The following GPR39 variants were observed in gnomAD, a reference collection of about 807,000 sequenced individuals.
The protein encoded by GPR39 is zinc sensing receptor.
In GPR39, 23 loss-of-function variants were observed where a neutral mutation model predicts 18.4. The ratio of observed to expected loss-of-function variants is 1.25; its 90% CI spans 0.90 to 1.77. The LOEUF (loss-of-function observed/expected upper bound fraction) is 1.77, where lower values mean the gene tolerates loss of function less well. Ranked by LOEUF, GPR39 falls within the 40% of genes most tolerant of loss-of-function variation. GPR39 has a pLI of 0.00. For synonymous variants in GPR39, 280 were observed against 257.9 expected (o/e 1.09, Z -0.82); for missense variants, 647 against 602.4 (o/e 1.07, Z -0.78).
intron 1 of GPR39, among the ~76,000 whole-genome samples, chr2:132,520,528 G>A (rs182536125): frequency 6.6e-6 from 1 of 152,282 alleles, no homozygotes; most frequent in Admixed American, 6.5e-5. Flanking sequence ...AGATCAGCCT[G>A]GGCACTCATT....
rs183980029 is a variant in GPR39, at chr2:132,642,183, A to G, written c.857-2918A>G. Among the ~76,000 whole-genome samples the G allele has an allele frequency of 2.3e-3, 347 of 152,334 alleles. 1 individual carries two copies. Among genetic ancestry groups the G allele is most frequent in the South Asian group, 0.011 (52 of 4,824 alleles). On this transcript the variant is annotated intron_variant, in intron 1 of 1. Coordinates refer to ENST00000329321, the MANE Select transcript of GPR39 (RefSeq NM_001508.3). ...TTTCAAAACACCCATCTGGTGCACAATATGAAAATCTCTGCATTTCTAATT... is the reference window on the plus strand; with the variant it reads ...TTTCAAAACACCCATCTGGTGCACAGTATGAAAATCTCTGCATTTCTAATT...
At position 132,545,655 on chromosome 2, in the gene GPR39, C is replaced by CGTGTGTGT. The variant is rs35108024; in HGVS notation, c.857-99423_857-99416dup. Among the ~76,000 whole-genome samples, 70 of 149,842 alleles carry CGTGTGTGT rather than the reference C, an allele frequency of 4.7e-4. No homozygotes were observed. In the East Asian group the frequency reaches 5.1e-3, roughly 11 times the overall value. ...CTTATAATCCACGATGTGTGATGGGCGTGTGTGTGTGTGTGTGTGTGTGTG... is the reference window on the plus strand; with the variant it reads ...CTTATAATCCACGATGTGTGATGGGCGTGTGTGTGTGTGTGTGTGTGTGTGTGTGTGTG... On this transcript the variant is annotated intron_variant, in intron 1 of 1. Transcript: ENST00000329321.
intron 1 of GPR39, among the ~76,000 whole-genome samples, chr2:132,572,998 C>A (rs962373306): frequency 6.6e-6 from 1 of 152,152 alleles, no homozygotes; most frequent in Non-Finnish European, 1.5e-5. Context: ...GAATGCTGAC[C>A]AGGCACACAT....
chr2:132,627,760 G>T (rs1018282857), intron 1 of GPR39, among the ~76,000 whole-genome samples: 2 of 152,158 alleles, frequency 1.3e-5, no homozygotes, highest in Admixed American at 1.3e-4. Context: ...AGCCTCGGCC[G>T]TGGGGGAGGA....
chr2:132,441,350 T>C (rs1680434861), intron 1 of GPR39, among the ~76,000 whole-genome samples: 1 of 151,982 alleles, frequency 6.6e-6, no homozygotes, highest in Non-Finnish European at 1.5e-5. Flanking sequence ...CTGGATTCAT[T>C]TTCCAGTACA....
At chr2:132,613,046 T>C (rs1681263498) in intron 1 of GPR39, among the ~76,000 whole-genome samples, 1 of 152,202 alleles carries the variant, frequency 6.6e-6, no homozygotes, top group Non-Finnish European at 1.5e-5. Flanking sequence ...GATATCCATA[T>C]TTTAAAATGC....
chr2:132,443,376 C>T (rs1000140434), intron 1 of GPR39, among the ~76,000 whole-genome samples: 2 of 152,102 alleles, frequency 1.3e-5, no homozygotes, highest in African/African-American at 2.4e-5. Flanking sequence ...GACATAAAAG[C>T]GATACACATT....
At chr2:132,560,713 T>G (rs1451569450) in intron 1 of GPR39, among the ~76,000 whole-genome samples, 1 of 152,108 alleles carries the variant, frequency 6.6e-6, no homozygotes, top group Non-Finnish European at 1.5e-5. Flanking sequence ...TCTTCCTCCA[T>G]CCAGTCCTCA....
At chr2:132,520,279 C>T (rs968957574) in intron 1 of GPR39, among the ~76,000 whole-genome samples, 1 of 152,212 alleles carries the variant, frequency 6.6e-6, no homozygotes, top group Non-Finnish European at 1.5e-5. Context: ...GTGGTACTTG[C>T]ATCAAATATA....
At chr2:132,553,381 A>G (rs1158400770) in intron 1 of GPR39, among the ~76,000 whole-genome samples, 9 of 148,616 alleles carry the variant, frequency 6.1e-5, no homozygotes, top group South Asian at 4.2e-4. Context: ...ATATGTGTGT[A>G]TATATATAGT....
Position 132,518,975 on chromosome 2 carries a change from T to C in GPR39, c.856+101077T>C, listed in dbSNP as rs568407212. ...GCACAGGATGGGTCTAGATTGAATT[T>C]CTTCATTCATAACAAAGCTGCATTT... is the stretch of plus-strand genomic sequence containing the variant. On this transcript the variant is annotated intron_variant, in intron 1 of 1. Transcript: ENST00000329321. 5.9e-5 allele frequency among the ~76,000 whole-genome samples: 9 copies of C among 152,372 alleles called. No individual in the cohort carries two copies. The South Asian group carries it at 1.9e-3, about 32-fold the overall frequency.
At chr2:132,465,746 C>CT (rs1054105561) in intron 1 of GPR39, among the ~76,000 whole-genome samples, 6 of 152,172 alleles carry the variant, frequency 3.9e-5, no homozygotes, top group East Asian at 1.9e-4. Flanking sequence ...AGGTGGGTTT[C>CT]TTTTTTTGCC....
At chr2:132,517,152 GGTGT>G (rs1383381847) in intron 1 of GPR39, among the ~76,000 whole-genome samples, 2 of 151,514 alleles carry the variant, frequency 1.3e-5, no homozygotes, top group African/African-American at 4.9e-5. Flanking sequence ...TGTGTTTAGG[GGTGT>G]GTGTGTTTGT....
At chr2:132,599,375 T>A (rs867846724) in intron 1 of GPR39, among the ~76,000 whole-genome samples, 5 of 152,320 alleles carry the variant, frequency 3.3e-5, no homozygotes, top group Middle Eastern at 3.4e-3. Context: ...TGGGGCTGGC[T>A]TTTTGCCCTA....
At position 132,602,152 on chromosome 2, in the gene GPR39, A is replaced by G. The variant is rs138354079; in HGVS notation, c.857-42949A>G. Among the ~76,000 whole-genome samples, 888 of 152,252 alleles carry G rather than the reference A, an allele frequency of 5.8e-3. 15 individuals carry two copies. Among genetic ancestry groups the G allele is most frequent in the African/African-American group, 0.02 (843 of 41,566 alleles). ...TACCTGACTTCAAAATATACCACAA[A>G]GCTATAGTAACCAACACAGCATAAT... On this transcript the variant is annotated intron_variant, in intron 1 of 1. Coordinates refer to ENST00000329321, the MANE Select transcript of GPR39 (RefSeq NM_001508.3).
At chr2:132,554,724 C>T (rs1680115411) in intron 1 of GPR39, among the ~76,000 whole-genome samples, 1 of 152,172 alleles carries the variant, frequency 6.6e-6, no homozygotes, top group Non-Finnish European at 1.5e-5. Context: ...GGAGGGAAAA[C>T]TTGACTTTGC....
intron 1 of GPR39, among the ~76,000 whole-genome samples, chr2:132,547,361 A>G (rs541755846): frequency 1.1e-4 from 16 of 152,330 alleles, no homozygotes; most frequent in South Asian, 8.3e-4. Context: ...AGAAATTGCA[A>G]AGCAGTAAGG....
At chr2:132,532,942 G>A (rs1471578596) in intron 1 of GPR39, among the ~76,000 whole-genome samples, 1 of 152,208 alleles carries the variant, frequency 6.6e-6, no homozygotes, top group African/African-American at 2.4e-5. Context: ...GCACAAGACA[G>A]GGATGCCCTC....
chr2:132,436,684 C>T (rs987993315), intron 1 of GPR39, among the ~76,000 whole-genome samples: 2 of 151,918 alleles, frequency 1.3e-5, no homozygotes, highest in African/African-American at 4.8e-5. Context: ...AGTAAAGAGC[C>T]CCCCGGCTTG....
Sources: allele counts gnomAD v4.1 joint callset (sites outside exome capture counted in the v4.1 genomes callset), GRCh38; gene constraint gnomAD v4.1.1; transcripts MANE v1.5; gene names NCBI Gene and HGNC (gene_info 2026-07-23, HGNC 2026-07-21).